IPO11: variants seen among roughly 807,000 people sequenced by gnomAD.
IPO11 encodes importin 11.
IPO11 carries 66 observed loss-of-function variants against 143.2 expected under a neutral mutation model. The ratio of observed to expected loss-of-function variants is 0.46; its 90% confidence interval spans 0.38 to 0.57. IPO11 has a LOEUF of 0.57. Ranked by LOEUF, IPO11 falls within the 20% of genes least tolerant of loss-of-function variation. IPO11 has a pLI of 0.00. For missense variants in IPO11, 1,026 were observed against 1,141.0 expected, an observed-to-expected ratio of 0.90 and a Z score of 1.45; for synonymous variants, 385 against 377.8, an observed-to-expected ratio of 1.02 and a Z score of -0.22.
rs772028487 is a variant in IPO11 at position 62,526,268 on chromosome 5, A to G, written c.2012+11A>G. Reference sequence around the variant, plus strand: ...TGGTTTAGAATTATGGTAAGAGGAAAAACTTAATACCATGGATCTTATTTT... The same window carrying G: ...TGGTTTAGAATTATGGTAAGAGGAAGAACTTAATACCATGGATCTTATTTT... On this transcript the variant is annotated intron_variant, in intron 21 of 29. Coordinates refer to ENST00000325324, the MANE Select transcript of IPO11 (RefSeq NM_016338.5). The G allele has an allele frequency of 7.2e-6, 11 of 1,528,780 alleles. No individual in the cohort carries two copies. In the African/African-American group the frequency reaches 1.5e-4, roughly 21 times the overall value. 94.7% of individuals were successfully genotyped at this position (1,528,780 alleles called of 1,614,324 possible). A position where few individuals can be genotyped will look rare whatever the true frequency, so the allele number is the denominator to read the frequency against.
In IPO11 at chr5:62,627,465, A is replaced by G. The variant is rs1194749539; in HGVS notation, c.*147A>G. The G allele has an allele frequency of 4.3e-6, 3 of 697,556 alleles. No homozygotes were observed. In the African/African-American group the frequency reaches 5.3e-5, roughly 12 times the overall value. The allele number at this position is 697,556 out of a possible 1,614,324, so 43.2% of individuals were successfully genotyped here. The stretch of plus-strand genomic sequence containing the variant: ...CATTTTTTACTACAAAATGTAAAGG[A>G]TAAATGTAAATCCTGCATAACTAAA... On this transcript the variant is annotated 3_prime_UTR_variant, in exon 30 of 30. Transcript: ENST00000325324.
At chr5:62,618,848 C>G (rs1216282536) in intron 29 of IPO11, among the ~76,000 whole-genome samples, 1 of 152,168 alleles carries the variant, frequency 6.6e-6, no homozygotes, top group Non-Finnish European at 1.5e-5. Flanking sequence ...AAGCCCCTCT[C>G]CTCAAATGTT....
At chr5:62,558,404 ATTTATT>A (rs1374291988) in intron 26 of IPO11, among the ~76,000 whole-genome samples, 1 of 152,218 alleles carries the variant, frequency 6.6e-6, no homozygotes, top group African/African-American at 2.4e-5. Context: ...TAAAATTAGT[ATTTATT>A]CCTGGAATAA....
In IPO11 at chr5:62,451,837, T is replaced by C; in HGVS notation, c.420T>C (p.Asp140=). ...PTLIESVKVQ[D]DLRQHRALLT... ...TTATAGAGTCTGTTAAAGTCCAGGA[T>C]GATCTTCGACAGCACAGAGCATTAC... The change falls in exon 5 of 30, where the codon GAT becomes GAC. Residue 140 remains aspartate, a synonymous_variant. Coordinates refer to ENST00000325324, the MANE Select transcript of IPO11 (RefSeq NM_016338.5). 1 of 1,614,106 alleles carries C rather than the reference T, an allele frequency of 6.2e-7. No individual in the cohort carries two copies. Among genetic ancestry groups the C allele is most frequent in the Non-Finnish European group, 8.5e-7 (1 of 1,179,898 alleles).
intron 1 of IPO11, among the ~76,000 whole-genome samples, chr5:62,429,610 GTGTGTGTGTGTGTGTGTA>G (rs1466445496): frequency 6.7e-6 from 1 of 149,970 alleles, no homozygotes; most frequent in Non-Finnish European, 1.5e-5. Flanking sequence ...GTGTGTGTGT[GTGTGTGTGTGTGTGTGTA>G]TGTGTTTATT....
intron 26 of IPO11, among the ~76,000 whole-genome samples, chr5:62,559,015 T>C (rs1028296552): frequency 6.6e-6 from 1 of 152,188 alleles, no homozygotes; most frequent in African/African-American, 2.4e-5. Context: ...AGTAATAATG[T>C]TTGTATCTGA....
In IPO11 at chr5:62,436,276, G is replaced by A. The variant is rs1029496213; in HGVS notation, c.-6-998G>A. Reference sequence around the variant, plus strand: ...ATTTAATTGTAATTATTTTAACAAAGGAATTCATTTGCTTTGGCTATATTC... The same window carrying A: ...ATTTAATTGTAATTATTTTAACAAAAGAATTCATTTGCTTTGGCTATATTC... On this transcript the variant is annotated intron_variant, in intron 1 of 29. Transcript: ENST00000325324. 2.0e-5 allele frequency among the ~76,000 whole-genome samples: 3 copies of A among 152,148 alleles called. No homozygotes were observed. The East Asian group carries it at 5.8e-4, about 29-fold the overall frequency.
chr5:62,483,681 G>A (rs935635571), intron 10 of IPO11, among the ~76,000 whole-genome samples: 2 of 152,092 alleles, frequency 1.3e-5, no homozygotes, highest in South Asian at 2.1e-4. Context: ...ATATGCGTGT[G>A]TGCCAAGATG....
At chr5:62,530,063 T>C (rs1218943014) in intron 21 of IPO11, among the ~76,000 whole-genome samples, 1 of 152,230 alleles carries the variant, frequency 6.6e-6, no homozygotes, top group East Asian at 1.9e-4. Flanking sequence ...TTTTACTAAC[T>C]TATTAGCCTA....
chr5:62,527,829 T>C (rs553675639), intron 21 of IPO11, among the ~76,000 whole-genome samples: 1 of 152,324 alleles, frequency 6.6e-6, no homozygotes, highest in South Asian at 2.1e-4. Flanking sequence ...TCTTCATGAA[T>C]TTTTCTTGAT....
chr5:62,513,536 G>C (rs1741871301), intron 19 of IPO11, among the ~76,000 whole-genome samples: 1 of 145,202 alleles, frequency 6.9e-6, no homozygotes, highest in African/African-American at 2.5e-5. Flanking sequence ...TGGCCGGGCG[G>C]GGGGCTGAGC....
At chr5:62,497,760 G>A (rs1259366640) in intron 16 of IPO11, among the ~76,000 whole-genome samples, 1 of 152,172 alleles carries the variant, frequency 6.6e-6, no homozygotes, top group Non-Finnish European at 1.5e-5. Flanking sequence ...TGGCCCCTCG[G>A]CCTGGAAAGA....
At chr5:62,489,457 A>G (rs979696797) in intron 14 of IPO11, 108 bp downstream of exon 14, 2 of 656,922 alleles carry the variant, frequency 3.0e-6, no homozygotes. Context: ...AGTAACTAAA[A>G]TACAGGAACA....
At chr5:62,606,373 G>A (rs898389390) in intron 29 of IPO11, among the ~76,000 whole-genome samples, 2 of 151,126 alleles carry the variant, frequency 1.3e-5, no homozygotes, top group Admixed American at 6.6e-5. Context: ...CCAGCTACTT[G>A]GGAGGCTGAG....
chr5:62,547,144 T>A (rs1339917614), intron 24 of IPO11, among the ~76,000 whole-genome samples: 3 of 152,186 alleles, frequency 2.0e-5, no homozygotes, highest in African/African-American at 7.2e-5. Context: ...CACATGTACA[T>A]CCCTGGTGGG....
chr5:62,618,381 A>T (rs2112477154), intron 29 of IPO11, among the ~76,000 whole-genome samples: 1 of 152,280 alleles, frequency 6.6e-6, no homozygotes, highest in East Asian at 1.9e-4. Context: ...AACTCTACTT[A>T]TGTCAAGATG....
At chr5:62,561,832 TA>T (rs1226433507) in intron 27 of IPO11, 1 of 152,216 alleles carries the variant, frequency 6.6e-6, no homozygotes, top group African/African-American at 2.4e-5. Context: ...GAAATACTTT[TA>T]AAAATAAACT....
chr5:62,447,109 A>T (rs1032430910), intron 3 of IPO11, among the ~76,000 whole-genome samples: 287 of 149,270 alleles, frequency 1.9e-3, no homozygotes, highest in African/African-American at 7.0e-3. Flanking sequence ...TTATATATAT[A>T]TATTTTTTTT....
In IPO11 at chr5:62,435,192, A is replaced by ATATATATGTG. The variant is rs1312453502; in HGVS notation, c.-6-2073_-6-2072insGTATATATGT. ...TATATGTATATATGTATATATATGT[A>ATATATATGTG]TATATATGTATATATATGTGTATAT... On this transcript the variant is annotated intron_variant, in intron 1 of 29. Transcript: ENST00000325324. 3.3e-3 allele frequency among the ~76,000 whole-genome samples: 280 copies of ATATATATGTG among 83,648 alleles called. 16 individuals carry two copies. The highest frequency in any genetic ancestry group is 9.6e-3 in the African/African-American group (212 of 22,152). The allele number at this position is 83,648 out of a possible 152,430, so 54.9% of individuals were successfully genotyped here.
Sources: allele counts gnomAD v4.1 joint callset (sites outside exome capture counted in the v4.1 genomes callset), GRCh38; gene constraint gnomAD v4.1.1; transcripts MANE v1.5; gene names NCBI Gene and HGNC (gene_info 2026-07-23, HGNC 2026-07-21).